ZNF773: variants seen among roughly 807,000 people sequenced by gnomAD.
The protein encoded by ZNF773 is zinc finger protein 419B.
In ZNF773, 11 loss-of-function variants were observed where a neutral mutation model predicts 12.8. The observed-to-expected ratio is 0.86, with a 90% CI of 0.54 to 1.42. The LOEUF is 1.42. Ranked by LOEUF, ZNF773 falls within the 40% of genes most tolerant of loss-of-function variation. ZNF773 has a pLI of 0.00. For synonymous variants in ZNF773, 175 were observed against 178.4 expected, an observed-to-expected ratio of 0.98 and a Z score of 0.15; for missense variants, 518 against 527.2, an observed-to-expected ratio of 0.98 and a Z score of 0.17.
At chr19:57,505,053 C>T in intron 2 of ZNF773, 2 of 709,060 alleles carry the variant, frequency 2.8e-6, no homozygotes, top group Non-Finnish European at 2.5e-6. Flanking sequence ...CTCTCTGTGG[C>T]CTGGTGACAC....
rs2089757547 is a variant in ZNF773, at chr19:57,507,721, T to G, written c.*297T>G. ...AGGCGTGGTGGCTGACACCTGTTAT[T>G]CTCACCACTTTGGGAGGCTGAAGCG... is the stretch of plus-strand genomic sequence containing the variant. On this transcript the variant is annotated 3_prime_UTR_variant, in exon 4 of 4. Coordinates refer to ENST00000282292, the MANE Select transcript of ZNF773 (RefSeq NM_198542.3). 27 of 1,174,078 alleles carry G rather than the reference T, an allele frequency of 2.3e-5. No individual in the cohort carries two copies. Among genetic ancestry groups the G allele is most frequent in the Non-Finnish European group, 2.6e-5 (25 of 950,974 alleles). The allele number at this position is 1,174,078 out of a possible 1,614,324, so 72.7% of individuals were successfully genotyped here.
At chr19:57,504,398 G>T (rs1193598367) in intron 1 of ZNF773, among the ~76,000 whole-genome samples, 1 of 152,150 alleles carries the variant, frequency 6.6e-6, no homozygotes, top group Non-Finnish European at 1.5e-5. Context: ...CAATCTGGGG[G>T]ATCCAAGGTG....
downstream of ZNF773, among the ~76,000 whole-genome samples, chr19:57,511,104 C>A (rs2123280823): frequency 6.6e-6 from 1 of 150,624 alleles, no homozygotes; most frequent in South Asian, 2.1e-4. Flanking sequence ...GGCTAGCGTG[C>A]AGTGGCATGA....
chr19:57,517,616 C>G (rs2089839709), downstream of ZNF773: 1 of 152,134 alleles, frequency 6.6e-6, no homozygotes, highest in African/African-American at 2.4e-5. Context: ...GACTACTGTT[C>G]TGTGGCTAGG....
In ZNF773 at chr19:57,506,461, G is replaced by A. The variant is rs575500052; in HGVS notation, c.366G>A (p.Glu122=). Residue 122 remains glutamate, a synonymous_variant, in exon 4 of 4, where the codon GAG becomes GAA. Coordinates refer to ENST00000282292, the MANE Select transcript of ZNF773 (RefSeq NM_198542.3). Reference sequence around the variant, plus strand: ...AACACCAGAAGCAGCACTGTGGAGAGAAACCCTTAAAAAGACAAGAGGGCA... The same window carrying A: ...AACACCAGAAGCAGCACTGTGGAGAAAAACCCTTAAAAAGACAAGAGGGCA... ...VQQHQKQHCG[E]KPLKRQEGRV... 1.9e-6 allele frequency: 3 copies of A among 1,614,232 alleles called. No individual in the cohort carries two copies. The African/African-American group carries it at 4.0e-5, about 22-fold the overall frequency.
chr19:57,509,310 A>C (rs1219628243), downstream of ZNF773, among the ~76,000 whole-genome samples: 1 of 152,228 alleles, frequency 6.6e-6, no homozygotes, highest in African/African-American at 2.4e-5. Context: ...AAATATTTGT[A>C]GGTTTAACTA....
chr19:57,503,018 G>T (rs565674446), intron 1 of ZNF773, among the ~76,000 whole-genome samples: 118 of 152,250 alleles, frequency 7.8e-4, no homozygotes, highest in Non-Finnish European at 1.3e-3. Flanking sequence ...AGTAGATATG[G>T]GCAGATTTTC....
chr19:57,506,314 C>A (rs771386292), intron 3 of ZNF773, 44 bp from the exon 4 acceptor site: 3 of 1,567,872 alleles, frequency 1.9e-6, no homozygotes, highest in Non-Finnish European at 1.7e-6. Context: ...TGCCTTCTCA[C>A]ACCAAAGACT....
At chr19:57,513,480 T>C (rs1385758721), downstream of ZNF773, 1 of 153,718 alleles carries the variant, frequency 6.5e-6, no homozygotes, top group Non-Finnish European at 1.4e-5. Flanking sequence ...CAGACAAGGC[T>C]TAGGAAAGTC....
Position 57,506,396 on chromosome 19 carries a change from C to A in ZNF773, c.301C>A (p.Gln101Lys), listed in dbSNP as rs777376902. 1.9e-6 allele frequency: 3 copies of A among 1,613,776 alleles called. No homozygotes were observed. Among genetic ancestry groups the A allele is most frequent in the Non-Finnish European group, 1.7e-6 (2 of 1,179,864 alleles). The change falls in exon 4 of 4, where the codon CAG (glutamine) becomes AAG (lysine). Residue 101 changes from glutamine (Q) to lysine (K), a missense_variant. Transcript: ENST00000282292. ...QGAKAEAAAEQSASVEVPSSN... is the reference protein window; with the variant it reads ...QGAKAEAAAEKSASVEVPSSN... ...AGCCAAGGCTGAGGCAGCTGCTGAGCAGAGTGCTTCTGTAGAAGTGCCCAG... is the reference window on the plus strand; with the variant it reads ...AGCCAAGGCTGAGGCAGCTGCTGAGAAGAGTGCTTCTGTAGAAGTGCCCAG...
In ZNF773 at chr19:57,506,517, A is replaced by G. The variant is rs61739236; in HGVS notation, c.422A>G (p.His141Arg). Residue 141 changes from histidine (H) to arginine (R), a missense_variant, in exon 4 of 4, where the codon CAC (histidine) becomes CGC (arginine). Coordinates refer to ENST00000282292, the MANE Select transcript of ZNF773 (RefSeq NM_198542.3). ...RVPVLRSCRV[H>R]LSEKSLQSRE... Reference sequence around the variant, plus strand: ...CCAGTTTTGAGGAGTTGCAGAGTCCACCTATCAGAGAAGTCCTTGCAAAGC... The same window carrying G: ...CCAGTTTTGAGGAGTTGCAGAGTCCGCCTATCAGAGAAGTCCTTGCAAAGC... The G allele has an allele frequency of 8.1e-6, 13 of 1,614,066 alleles. No homozygotes were observed. The African/African-American group carries it at 1.2e-4, about 15-fold the overall frequency.
At chr19:57,509,661 G>A (rs889528660), downstream of ZNF773, among the ~76,000 whole-genome samples, 5 of 152,134 alleles carry the variant, frequency 3.3e-5, no homozygotes, top group Non-Finnish European at 1.5e-5. Flanking sequence ...AGTTCTTTAG[G>A]TCATAAGTAT....
In ZNF773 at chr19:57,507,467, C is replaced by A; in HGVS notation, c.*43C>A. On this transcript the variant is annotated 3_prime_UTR_variant, in exon 4 of 4. Coordinates refer to ENST00000282292, the MANE Select transcript of ZNF773 (RefSeq NM_198542.3). ...GCTGGTGTTTCAACCTCATTCAACA[C>A]CAGAAAGTTCACAGTGTAAAAAAGT... The A allele has an allele frequency of 6.5e-7, 1 of 1,543,754 alleles. No homozygotes were observed. Among genetic ancestry groups the A allele is most frequent in the Non-Finnish European group, 8.7e-7 (1 of 1,151,350 alleles).
In ZNF773 at chr19:57,508,153, A is replaced by AC. The variant is rs920273250; in HGVS notation, c.*729_*730insC. ...GAGACTTCGTCTCAAAAAAAAAAAA[A>AC]AAAAACAAAAAAAACCCAGAAACTC... is the stretch of plus-strand genomic sequence containing the variant. On this transcript the variant is annotated 3_prime_UTR_variant, in exon 4 of 4. Coordinates refer to ENST00000282292, the MANE Select transcript of ZNF773 (RefSeq NM_198542.3). 7.0e-5 allele frequency: 33 copies of AC among 474,654 alleles called. No homozygotes were observed. The highest frequency in any genetic ancestry group is 1.4e-4 in the South Asian group (1 of 6,930). The allele number at this position is 474,654 out of a possible 1,614,324, so 29.4% of individuals were successfully genotyped here. A position where few individuals can be genotyped will look rare whatever the true frequency, so the allele number is the denominator to read the frequency against.
intron 1 of ZNF773, among the ~76,000 whole-genome samples, chr19:57,500,790 C>T (rs568765531): frequency 6.6e-6 from 1 of 152,210 alleles, no homozygotes; most frequent in East Asian, 1.9e-4. Context: ...TGAGATGTCC[C>T]AGAGTGGAGG....
intron 1 of ZNF773, among the ~76,000 whole-genome samples, chr19:57,502,852 A>G (rs2089685600): frequency 6.6e-6 from 1 of 151,940 alleles, no homozygotes; most frequent in Admixed American, 6.6e-5. Context: ...CACCACGCCC[A>G]GATAATTTTT....
downstream of ZNF773, among the ~76,000 whole-genome samples, chr19:57,512,386 A>G (rs938943546): frequency 6.6e-6 from 1 of 151,044 alleles, no homozygotes; most frequent in Admixed American, 6.6e-5. Flanking sequence ...ATGTAAACAA[A>G]CACAAGATGC....
downstream of ZNF773, chr19:57,508,317 G>A: frequency 6.3e-6 from 5 of 796,150 alleles, no homozygotes; most frequent in Non-Finnish European, 7.6e-6. Flanking sequence ...GAGAGAGGGA[G>A]CCCTGTATTG....
Position 57,507,533 on chromosome 19 carries a change from A to G in ZNF773, c.*109A>G. On this transcript the variant is annotated 3_prime_UTR_variant, in exon 4 of 4. Transcript: ENST00000282292. ...TGGAAATCCATTAGCTATACCTCCA[A>G]ACTCATTCAACACTGGACAGTTCAC... 1 of 1,467,796 alleles carries G rather than the reference A, an allele frequency of 6.8e-7. No individual in the cohort carries two copies. The highest frequency in any genetic ancestry group is 9.0e-7 in the Non-Finnish European group (1 of 1,116,034). 90.9% of individuals were successfully genotyped at this position (1,467,796 alleles called of 1,614,324 possible).
Sources: allele counts gnomAD v4.1 joint callset (sites outside exome capture counted in the v4.1 genomes callset), GRCh38; gene constraint gnomAD v4.1.1; transcripts MANE v1.5; gene names NCBI Gene and HGNC (gene_info 2026-07-23, HGNC 2026-07-21).